MORN1: variants seen among roughly 807,000 people sequenced by gnomAD.
MORN1 encodes MORN repeat-containing protein 1.
Under a neutral mutation model 61.9 loss-of-function variants are expected in MORN1, and 67 were observed. The ratio of observed to expected loss-of-function variants is 1.08; its 90% CI spans 0.89 to 1.33. The LOEUF (loss-of-function observed/expected upper bound fraction) is 1.33, where lower values mean the gene tolerates loss of function less well. Ranked by LOEUF, MORN1 falls within the 40% of genes most tolerant of loss-of-function variation. The pLI is 0.00. For synonymous variants in MORN1, 301 were observed against 292.0 expected (o/e 1.03, Z -0.31); for missense variants, 752 against 691.2 (o/e 1.09, Z -0.99).
At position 2,323,357 on chromosome 1, in the gene MORN1, T is replaced by C. The variant is rs975662548; in HGVS notation, c.1297+740A>G. On this transcript the variant is annotated intron_variant, in intron 13 of 13. Transcript: ENST00000378531. ...CCCCAGTGAGCAGCGGGTCCAGACC[T>C]TCCAGCCTTTGGCTCTCCAGCCAGA... 34 of 985,276 alleles carry C rather than the reference T, an allele frequency of 3.5e-5. No homozygotes were observed. The African/African-American group carries it at 5.6e-4, about 16-fold the overall frequency. The allele number at this position is 985,276 out of a possible 1,614,324, so 61.0% of individuals were successfully genotyped here.
intron 5 of MORN1, 79 bp from the exon 6 acceptor site, chr1:2,385,144 C>A: frequency 7.0e-7 from 1 of 1,438,266 alleles, no homozygotes; most frequent in Non-Finnish European, 9.5e-7. Context: ...CTCCTCCCAC[C>A]GGGCTCCGCA....
At chr1:2,370,358 C>A (rs1642089116) in intron 8 of MORN1, among the ~76,000 whole-genome samples, 1 of 152,162 alleles carries the variant, frequency 6.6e-6, no homozygotes, top group Non-Finnish European at 1.5e-5. Context: ...GGATCCCAGG[C>A]CTAAATGTAA....
At position 2,372,459 on chromosome 1, in the gene MORN1, A is replaced by C. The variant is rs191826635; in HGVS notation, c.745+22T>G. 6.3e-7 allele frequency: 1 copy of C among 1,582,124 alleles called. No homozygotes were observed. The highest frequency in any genetic ancestry group is 8.6e-7 in the Non-Finnish European group (1 of 1,156,692). ...GTTTCTCTTTTGGAAACGTTAGGTC[A>C]TCTCCCCCTGGAGATGCTTACTCTT... On this transcript the variant is annotated intron_variant, in intron 8 of 13. Coordinates refer to ENST00000378531, the MANE Select transcript of MORN1 (RefSeq NM_024848.3). This position sits in a 1 kb window ranked among gnomAD's most constrained non-coding sequence, Gnocchi z 5.4.
At chr1:2,335,355 ACACT>A (rs1453611866) in intron 12 of MORN1, among the ~76,000 whole-genome samples, 1 of 152,076 alleles carries the variant, frequency 6.6e-6, no homozygotes, top group Non-Finnish European at 1.5e-5. Flanking sequence ...CGGCACACTC[ACACT>A]CACACTCACG....
chr1:2,335,829 A>AGCCCGGCCCGGCCCGGCCCGGCCCG (rs568929816), intron 12 of MORN1, among the ~76,000 whole-genome samples: 11 of 139,350 alleles, frequency 7.9e-5, no homozygotes, highest in African/African-American at 3.7e-4. Flanking sequence ...TCGCCTCCAT[A>AGCCCGGCCCGGCCCGGCCCGGCCCG]GCCCAGCCCA....
rs1641216124 is a variant in MORN1, at chr1:2,334,108, G to C, written c.1250+2361C>G. ...GGCAGGGTCCCCCACTCTTTCCTAA[G>C]AGGGGGCCATCACACAAACACCCAG... On this transcript the variant is annotated intron_variant, in intron 12 of 13. Coordinates refer to ENST00000378531, the MANE Select transcript of MORN1 (RefSeq NM_024848.3). The surrounding 1 kb of genome is among the most constrained non-coding windows in gnomAD (Gnocchi z 5.4). Among the ~76,000 whole-genome samples, 1 of 152,080 alleles carries C rather than the reference G, an allele frequency of 6.6e-6. No homozygotes were observed. Among genetic ancestry groups the C allele is most frequent in the African/African-American group, 2.4e-5 (1 of 41,384 alleles).
At chr1:2,336,689 G>A in intron 11 of MORN1, 28 bp downstream of exon 11, 1 of 1,548,948 alleles carries the variant, frequency 6.5e-7, no homozygotes, top group Non-Finnish European at 8.7e-7. Flanking sequence ...GATGTGGGGT[G>A]GCCTCCCCGC....
intron 10 of MORN1, among the ~76,000 whole-genome samples, chr1:2,346,004 C>T (rs1452091880): frequency 6.6e-6 from 1 of 152,014 alleles, no homozygotes; most frequent in Non-Finnish European, 1.5e-5. Context: ...GAACCTTCCT[C>T]AGACAAAGCC....
In MORN1 at chr1:2,347,956, G is replaced by A. The variant is rs769312667; in HGVS notation, c.1036+9476C>T. ...CATCCTCGAGTGCATTTTACAAACC[G>A]GGAAGTTTTTCGCCTCACGTAACCC... On this transcript the variant is annotated intron_variant, in intron 10 of 13. Coordinates refer to ENST00000378531, the MANE Select transcript of MORN1 (RefSeq NM_024848.3). Among the ~76,000 whole-genome samples the A allele has an allele frequency of 5.9e-5, 9 of 152,316 alleles. No individual in the cohort carries two copies. In the South Asian group the frequency reaches 1.0e-3, roughly 18 times the overall value.
chr1:2,326,054 C>CT (rs1350989500), intron 12 of MORN1: 2 of 152,278 alleles, frequency 1.3e-5, no homozygotes, highest in Non-Finnish European at 2.9e-5. Context: ...GTCCTGCCCG[C>CT]TGTGGCTGGC....
intron 2 of MORN1, among the ~76,000 whole-genome samples, chr1:2,388,909 C>CAGCTGGTCAG (rs1388273329): frequency 6.6e-6 from 1 of 151,352 alleles, no homozygotes; most frequent in Non-Finnish European, 1.5e-5. Context: ...GTCAGGAGTT[C>CAGCTGGTCAG]GAGACCAGCC....
chr1:2,324,396 A>C (rs1439641604), intron 12 of MORN1, among the ~76,000 whole-genome samples: 1 of 152,182 alleles, frequency 6.6e-6, no homozygotes, highest in Non-Finnish European at 1.5e-5. Context: ...TGATGTGCTT[A>C]TGGCCTTGGA....
In MORN1 at chr1:2,321,355, C is replaced by T. The variant is rs563379361; in HGVS notation, c.*28G>A. ...AGGCAGCGTTTCCTTCCATTCACAC[C>T]GAGGTGGCCTCCTGTGGACACGGGG... On this transcript the variant is annotated 3_prime_UTR_variant, in exon 14 of 14. Transcript: ENST00000378531. The T allele has an allele frequency of 3.8e-5, 55 of 1,429,096 alleles. No individual in the cohort carries two copies. The East Asian group carries it at 8.7e-4, about 23-fold the overall frequency. The allele number at this position is 1,429,096 out of a possible 1,614,324, so 88.5% of individuals were successfully genotyped here.
chr1:2,365,674 G>C (rs1641982645), intron 8 of MORN1, among the ~76,000 whole-genome samples: 2 of 151,904 alleles, frequency 1.3e-5, no homozygotes, highest in African/African-American at 4.8e-5. Context: ...TGCCCATTCA[G>C]TATGATATTG....
intron 8 of MORN1, among the ~76,000 whole-genome samples, chr1:2,369,846 T>C (rs950793109): frequency 2.6e-5 from 4 of 152,192 alleles, no homozygotes; most frequent in Non-Finnish European, 5.9e-5. Context: ...TCTACCTAAA[T>C]GGAGAGATGC....
chr1:2,331,805 G>GGCTGCGCCTCTCCCGCC (rs937106229), intron 12 of MORN1, among the ~76,000 whole-genome samples: 1 of 146,380 alleles, frequency 6.8e-6, no homozygotes, highest in Non-Finnish European at 1.5e-5. Context: ...CCTCTCCCGC[G>GGCTGCGCCTCTCCCGCC]GCTGCGCCTC....
chr1:2,346,549 C>A (rs1230989961), intron 10 of MORN1, among the ~76,000 whole-genome samples: 1 of 152,150 alleles, frequency 6.6e-6, no homozygotes, highest in Non-Finnish European at 1.5e-5. Context: ...CCACACCTGG[C>A]TAATTTTTGT....
chr1:2,326,411 G>C (rs1170337830), intron 12 of MORN1: 3 of 152,080 alleles, frequency 2.0e-5, no homozygotes, highest in Non-Finnish European at 4.4e-5. Flanking sequence ...GAACCCCCAG[G>C]GCTTTGAGAG....
intron 13 of MORN1, chr1:2,322,024 C>T (rs1448740773): frequency 1.0e-5 from 10 of 985,230 alleles, no homozygotes; most frequent in African/African-American, 1.7e-5. Context: ...AAATAACGAA[C>T]CCTCTGAAGG....
Sources: allele counts gnomAD v4.1 joint callset (sites outside exome capture counted in the v4.1 genomes callset), GRCh38; gene constraint gnomAD v4.1.1; non-coding constraint Gnocchi (gnomAD v3.1); transcripts MANE v1.5; gene names NCBI Gene and HGNC (gene_info 2026-07-23, HGNC 2026-07-21).